The following GRHL2 variants were observed in gnomAD, a reference collection of about 807,000 sequenced individuals.
GRHL2 encodes the protein grainyhead like transcription factor 2.
GRHL2 carries 21 observed loss-of-function variants against 83.8 expected under a neutral mutation model. That is an observed-to-expected ratio of 0.25 (90% CI 0.18 to 0.36). The LOEUF is 0.36. Among genes scored for constraint, GRHL2 ranks in the 10% least tolerant of loss-of-function variants. The pLI is 1.00. For synonymous variants in GRHL2, 280 were observed against 278.9 expected, an observed-to-expected ratio of 1.00 and a Z score of -0.04; for missense variants, 623 against 781.8, an observed-to-expected ratio of 0.80 and a Z score of 2.42.
chr8:101,673,744 C>T (rs1814246968), downstream of GRHL2, among the ~76,000 whole-genome samples: 1 of 152,014 alleles, frequency 6.6e-6, no homozygotes, highest in Non-Finnish European at 1.5e-5. Flanking sequence ...CCCAAATCAA[C>T]AGAATATACA....
intron 1 of GRHL2, among the ~76,000 whole-genome samples, chr8:101,525,006 G>A (rs1408230812): frequency 6.6e-6 from 1 of 151,912 alleles, no homozygotes; most frequent in East Asian, 1.9e-4. Flanking sequence ...GCAATGGCGC[G>A]ATCTCGGCTC....
intron 4 of GRHL2, among the ~76,000 whole-genome samples, chr8:101,569,555 G>A (rs1811780641): frequency 6.6e-6 from 1 of 152,178 alleles, no homozygotes; most frequent in African/African-American, 2.4e-5. Flanking sequence ...CTGCAGCCTT[G>A]AACTCTTGGG....
rs145873246 is a variant in GRHL2, at chr8:101,521,234, G to A, written c.21-22007G>A. 6.8e-3 allele frequency among the ~76,000 whole-genome samples: 1,039 copies of A among 152,288 alleles called. 11 individuals are homozygous for A. The highest frequency in any genetic ancestry group is 0.024 in the African/African-American group (986 of 41,564). ...TGCAGCAGGGCCATGGGGTGGGGGTGAGGGTCTTTGAGTCAGAGCCAGCCA... is the reference window on the plus strand; with the variant it reads ...TGCAGCAGGGCCATGGGGTGGGGGTAAGGGTCTTTGAGTCAGAGCCAGCCA... On this transcript the variant is annotated intron_variant, in intron 1 of 15. Transcript: ENST00000646743.
At chr8:101,600,384 G>A (rs1008704383) in intron 8 of GRHL2, among the ~76,000 whole-genome samples, 27 of 152,188 alleles carry the variant, frequency 1.8e-4, no homozygotes, top group African/African-American at 4.8e-4. Flanking sequence ...ATGTGCTTTC[G>A]GCACTTTGTT....
intron 8 of GRHL2, among the ~76,000 whole-genome samples, chr8:101,608,511 T>C (rs913677642): frequency 2.4e-4 from 37 of 152,134 alleles, no homozygotes; most frequent in African/African-American, 7.5e-4. Context: ...CAGATGTAAA[T>C]AATTGTAATA....
chr8:101,629,141 G>A (rs1042902587), intron 9 of GRHL2, among the ~76,000 whole-genome samples: 14 of 152,188 alleles, frequency 9.2e-5, no homozygotes, highest in African/African-American at 3.4e-4. Context: ...CTGAAAGGAA[G>A]AGTTAATTCA....
intron 3 of GRHL2, among the ~76,000 whole-genome samples, chr8:101,557,118 A>G (rs1811503804): frequency 6.6e-6 from 1 of 151,452 alleles, no homozygotes; most frequent in South Asian, 2.1e-4. Flanking sequence ...ATGTCATCAT[A>G]TTAGTTAACC....
At chr8:101,518,757 G>A (rs754118831) in intron 1 of GRHL2, among the ~76,000 whole-genome samples, 2 of 152,146 alleles carry the variant, frequency 1.3e-5, no homozygotes, top group African/African-American at 2.4e-5. Flanking sequence ...AGACCCCCAA[G>A]TTCTTTCCAT....
In GRHL2 at chr8:101,637,199, G is replaced by C. The variant is rs35234521; in HGVS notation, c.1517+271G>C. On this transcript the variant is annotated intron_variant, in intron 12 of 15. Coordinates refer to ENST00000646743, the MANE Select transcript of GRHL2 (RefSeq NM_024915.4). The stretch of plus-strand genomic sequence containing the variant: ...TAACTAGCTGTTTTTCTAAGGGACC[G>C]ATCCCTTCCATTCCATCCTTTCATC... Among the ~76,000 whole-genome samples, 18,240 of 152,066 alleles carry C rather than the reference G, an allele frequency of 0.12. 2,396 individuals are homozygous for C. Among genetic ancestry groups the C allele is most frequent in the African/African-American group, 0.33 (13,744 of 41,468 alleles).
chr8:101,535,953 T>C (rs1811037710), intron 1 of GRHL2, among the ~76,000 whole-genome samples: 1 of 152,174 alleles, frequency 6.6e-6, no homozygotes, highest in Non-Finnish European at 1.5e-5. Context: ...AGGGAGGCCC[T>C]GAAAGATTAA....
chr8:101,666,985 G>A lies in GRHL2; in HGVS notation c.*282G>A, dbSNP rs1358644363. On this transcript the variant is annotated 3_prime_UTR_variant, in exon 16 of 16. Transcript: ENST00000646743. ...ACCTTTTCCTGGAGCCCAGGTCCAGGCCCGCCAGGACTCTGCAGGTCACTG... is the reference window on the plus strand; with the variant it reads ...ACCTTTTCCTGGAGCCCAGGTCCAGACCCGCCAGGACTCTGCAGGTCACTG... 1 of 534,646 alleles carries A rather than the reference G, an allele frequency of 1.9e-6. No individual in the cohort carries two copies. The highest frequency in any genetic ancestry group is 3.3e-5 in the East Asian group (1 of 30,104). The allele number at this position is 534,646 out of a possible 1,614,324, so 33.1% of individuals were successfully genotyped here. A position where few individuals can be genotyped will look rare whatever the true frequency, so the allele number is the denominator to read the frequency against.
At chr8:101,660,777 C>T (rs1198658419) in intron 14 of GRHL2, among the ~76,000 whole-genome samples, 1 of 152,192 alleles carries the variant, frequency 6.6e-6, no homozygotes, top group African/African-American at 2.4e-5. Context: ...TCCACCAGTG[C>T]CTTCCAGCTC....
At chr8:101,587,813 G>A (rs954394635) in intron 7 of GRHL2, among the ~76,000 whole-genome samples, 3 of 151,980 alleles carry the variant, frequency 2.0e-5, no homozygotes, top group Admixed American at 6.6e-5. Flanking sequence ...CTATAGAGCC[G>A]GTCTATTCAG....
chr8:101,494,270 A>C (rs1237992683), intron 1 of GRHL2, among the ~76,000 whole-genome samples: 1 of 152,184 alleles, frequency 6.6e-6, no homozygotes, highest in African/African-American at 2.4e-5. Flanking sequence ...GTGGAGGGGA[A>C]GGACTAGCCT....
chr8:101,609,230 C>T lies in GRHL2; in HGVS notation c.1098+10079C>T, dbSNP rs775475484. Among the ~76,000 whole-genome samples the T allele has an allele frequency of 1.1e-4, 17 of 150,182 alleles. 1 individual carries two copies. The highest frequency in any genetic ancestry group is 1.9e-4 in the East Asian group (1 of 5,172). On this transcript the variant is annotated intron_variant, in intron 8 of 15. Transcript: ENST00000646743. ...GGGAAGGAAGGAAGGGGAAGGAGAACGAAGAGGACAAGGAGAGGGCCACCA... is the reference window on the plus strand; with the variant it reads ...GGGAAGGAAGGAAGGGGAAGGAGAATGAAGAGGACAAGGAGAGGGCCACCA...
At chr8:101,537,846 T>C (rs1377534122) in intron 1 of GRHL2, among the ~76,000 whole-genome samples, 2 of 152,202 alleles carry the variant, frequency 1.3e-5, no homozygotes, top group Non-Finnish European at 2.9e-5. Context: ...ATATGAGAAG[T>C]TGATTAAAAG....
chr8:101,614,052 A>G (rs1812806577), intron 8 of GRHL2, among the ~76,000 whole-genome samples: 1 of 151,076 alleles, frequency 6.6e-6, no homozygotes, highest in Admixed American at 6.6e-5. Context: ...CTCTCAGAAA[A>G]AGCTTTAGGA....
Position 101,552,800 on chromosome 8 carries a change from GC to G in GRHL2, c.284+23del, listed in dbSNP as rs1231686908. 15 of 1,609,706 alleles carry G rather than the reference GC, an allele frequency of 9.3e-6. No homozygotes were observed. Among genetic ancestry groups the G allele is most frequent in the African/African-American group, 8.0e-5 (6 of 74,796 alleles). On this transcript the variant is annotated intron_variant, in intron 3 of 15. Coordinates refer to ENST00000646743, the MANE Select transcript of GRHL2 (RefSeq NM_024915.4). ...GAGAAAAGGTAAAGGAATTTGCCTG[GC>G]CCCCAGAATAACTCTATGTTTTCTA...
At chr8:101,503,984 AATTTT>A (rs1201582915) in intron 1 of GRHL2, among the ~76,000 whole-genome samples, 2 of 152,200 alleles carry the variant, frequency 1.3e-5, no homozygotes, top group African/African-American at 4.8e-5. Flanking sequence ...ATTAAGGATA[AATTTT>A]ATTTATGCAT....
Sources: gnomAD v4.1 joint callset for allele counts (sites outside exome capture counted in the v4.1 genomes callset) on GRCh38, gnomAD v4.1.1 for gene constraint, MANE v1.5 for transcripts, NCBI Gene and HGNC (gene_info 2026-07-23, HGNC 2026-07-21) for gene names.